The following CAST variants were observed in gnomAD, a reference collection of about 807,000 sequenced individuals.
CAST encodes calpastatin, also known as MIR583 host.
Under a neutral mutation model 119.6 loss-of-function variants are expected in CAST, and 76 were observed. The ratio of observed to expected loss-of-function variants is 0.64; its 90% confidence interval spans 0.53 to 0.77. CAST has a LOEUF of 0.77. Among genes scored for constraint, CAST ranks in the 30% least tolerant of loss-of-function variants. The probability of loss-of-function intolerance (pLI) is 0.00; values close to 1 mark genes in which losing one functional copy is unlikely to be tolerated. For missense variants in CAST, 953 were observed against 946.5 expected (o/e 1.01, Z -0.09); for synonymous variants, 319 against 331.6 (o/e 0.96, Z 0.41).
the CAST span, among the ~76,000 whole-genome samples, chr5:96,295,049 G>A: frequency 6.6e-6 from 1 of 152,078 alleles, no homozygotes; most frequent in South Asian, 2.1e-4. Flanking sequence ...CACTACAAAG[G>A]GAAAAGCTGC....
the CAST span, among the ~76,000 whole-genome samples, chr5:96,294,723 G>C: frequency 6.6e-6 from 1 of 152,238 alleles, no homozygotes; most frequent in Non-Finnish European, 1.5e-5. Context: ...AAGGTTGCCA[G>C]CATTTCGTTG....
the CAST span, among the ~76,000 whole-genome samples, chr5:96,118,455 A>C: frequency 0.014 from 2,166 of 152,276 alleles, 50 homozygotes; most frequent in African/African-American, 0.049. Flanking sequence ...TCTTTCACGT[A>C]GAGTTTGTGA....
At chr5:96,609,692 G>T (rs1192650079) in intron 1 of CAST, among the ~76,000 whole-genome samples, 1 of 152,114 alleles carries the variant, frequency 6.6e-6, no homozygotes, top group East Asian at 1.9e-4. Context: ...GACATTAAGT[G>T]GATCTTTCAA....
the CAST span, among the ~76,000 whole-genome samples, chr5:95,967,011 G>T: frequency 6.6e-6 from 1 of 152,130 alleles, no homozygotes; most frequent in African/African-American, 2.4e-5. Flanking sequence ...AGTGCAGAGT[G>T]CCCTGAAAGA....
chr5:96,112,007 T>C, the CAST span, among the ~76,000 whole-genome samples: 18 of 151,276 alleles, frequency 1.2e-4, no homozygotes, highest in African/African-American at 4.1e-4. Flanking sequence ...TATATAGTTT[T>C]TTATAATTAG....
the CAST span, among the ~76,000 whole-genome samples, chr5:96,296,059 C>T: frequency 1.3e-5 from 2 of 152,110 alleles, no homozygotes; most frequent in African/African-American, 2.4e-5. Flanking sequence ...AATATAAATG[C>T]TATAAAATTC....
chr5:96,630,140 G>A (rs1413878789), intron 1 of CAST, among the ~76,000 whole-genome samples: 1 of 152,130 alleles, frequency 6.6e-6, no homozygotes, highest in Non-Finnish European at 1.5e-5. Context: ...AAACAATCAT[G>A]TTCTCTGTCT....
chr5:96,762,223 C>T, intron 24 of CAST, 51 bp from the exon 25 acceptor site: 1 of 1,196,888 alleles, frequency 8.4e-7, no homozygotes, highest in Non-Finnish European at 1.2e-6. Context: ...TGGCATTGTG[C>T]TCATAATTTT....
At chr5:96,446,588 T>C in the CAST span, among the ~76,000 whole-genome samples, 2 of 152,224 alleles carry the variant, frequency 1.3e-5, no homozygotes, top group South Asian at 4.1e-4. Flanking sequence ...AAGCAGTCGG[T>C]GCTCAGCTTT....
At chr5:96,101,269 T>C in the CAST span, among the ~76,000 whole-genome samples, 1 of 152,238 alleles carries the variant, frequency 6.6e-6, no homozygotes, top group East Asian at 1.9e-4. Flanking sequence ...TTTTCTAGGT[T>C]GGTTGAATCT....
intron 1 of CAST, among the ~76,000 whole-genome samples, chr5:96,663,411 C>T (rs1309241163): frequency 6.6e-6 from 1 of 152,190 alleles, no homozygotes; most frequent in Admixed American, 6.5e-5. Flanking sequence ...CTCTCTCGCC[C>T]CGATGTCAAG....
the CAST span, among the ~76,000 whole-genome samples, chr5:96,332,896 T>G: frequency 2.0e-5 from 3 of 152,198 alleles, no homozygotes; most frequent in Non-Finnish European, 4.4e-5. Context: ...ATTGGTCTCC[T>G]GGCTTGGGTT....
chr5:96,134,176 A>C, the CAST span, among the ~76,000 whole-genome samples: 1 of 152,234 alleles, frequency 6.6e-6, no homozygotes, highest in Non-Finnish European at 1.5e-5. Flanking sequence ...GGTTACCCCA[A>C]ATGTGCTCAT....
chr5:96,085,205 T>C, the CAST span, among the ~76,000 whole-genome samples: 3 of 152,186 alleles, frequency 2.0e-5, no homozygotes, highest in South Asian at 2.1e-4. Flanking sequence ...TAGGTACTTA[T>C]TGAATGTCTA....
At chr5:96,429,472 G>T in the CAST span, among the ~76,000 whole-genome samples, 1 of 151,952 alleles carries the variant, frequency 6.6e-6, no homozygotes, top group Non-Finnish European at 1.5e-5. Flanking sequence ...AAACTTTTAA[G>T]TTCAGCAGTA....
chr5:96,647,179 C>G (rs1191385386), intron 1 of CAST, among the ~76,000 whole-genome samples: 1 of 152,160 alleles, frequency 6.6e-6, no homozygotes, highest in East Asian at 1.9e-4. Context: ...CCCCAACTCT[C>G]CCACAGCTCC....
At chr5:96,077,215 T>G in the CAST span, among the ~76,000 whole-genome samples, 1 of 152,134 alleles carries the variant, frequency 6.6e-6, no homozygotes, top group African/African-American at 2.4e-5. Flanking sequence ...ACCTTTTTAT[T>G]TTATTATTCA....
chr5:96,194,278 G>C, the CAST span, among the ~76,000 whole-genome samples: 1 of 152,188 alleles, frequency 6.6e-6, no homozygotes, highest in South Asian at 2.1e-4. Flanking sequence ...GGAATCATTT[G>C]AGGAGCTTTT....
chr5:96,133,555 G>A, the CAST span, among the ~76,000 whole-genome samples: 3 of 152,112 alleles, frequency 2.0e-5, no homozygotes, highest in African/African-American at 7.2e-5. Flanking sequence ...ACTGAAATGT[G>A]TTTCATTTTG....
Sources: allele counts gnomAD v4.1 joint callset (sites outside exome capture counted in the v4.1 genomes callset), GRCh38; gene constraint gnomAD v4.1.1; transcripts MANE v1.5; gene names NCBI Gene and HGNC (gene_info 2026-07-23, HGNC 2026-07-21).